FBXO4: variants seen among roughly 807,000 people sequenced by gnomAD.
FBXO4 encodes F-box only protein 4.
In FBXO4, 36 loss-of-function variants were observed where a neutral mutation model predicts 43.7. The observed-to-expected ratio is 0.82, with a 90% CI of 0.63 to 1.09. FBXO4 has a LOEUF of 1.09. Among genes scored for constraint, FBXO4 ranks in the 50% least tolerant of loss-of-function variants. FBXO4 has a pLI of 0.00. For missense variants in FBXO4, 435 were observed against 474.1 expected, an observed-to-expected ratio of 0.92 and a Z score of 0.77; for synonymous variants, 180 against 165.6, an observed-to-expected ratio of 1.09 and a Z score of -0.67.
the FBXO4 span, among the ~76,000 whole-genome samples, chr5:41,999,446 A>AGTGT: frequency 9.6e-4 from 103 of 107,742 alleles, 3 homozygotes; most frequent in African/African-American, 3.9e-3. Flanking sequence ...TATATATGTG[A>AGTGT]GTGTGTGTGT....
chr5:41,963,433 A>C, the FBXO4 span, among the ~76,000 whole-genome samples: 1 of 152,054 alleles, frequency 6.6e-6, no homozygotes, highest in Non-Finnish European at 1.5e-5. Flanking sequence ...TGTACAGTTG[A>C]CTCTTGAACA....
the FBXO4 span, among the ~76,000 whole-genome samples, chr5:41,947,308 G>C: frequency 1.2e-4 from 18 of 152,230 alleles, no homozygotes; most frequent in African/African-American, 4.3e-4. Context: ...AGGCAGGATT[G>C]GGTTTAGGCT....
chr5:41,990,338 C>T, the FBXO4 span, among the ~76,000 whole-genome samples: 2 of 152,198 alleles, frequency 1.3e-5, no homozygotes, highest in African/African-American at 4.8e-5. Context: ...ATCAGACATT[C>T]AGCCTATATA....
chr5:41,962,112 A>C, the FBXO4 span, among the ~76,000 whole-genome samples: 1 of 152,114 alleles, frequency 6.6e-6, no homozygotes, highest in Non-Finnish European at 1.5e-5. Flanking sequence ...GTTTATTTGT[A>C]GGTGAATGAA....
chr5:42,036,195 C>T, the FBXO4 span, among the ~76,000 whole-genome samples: 1 of 151,668 alleles, frequency 6.6e-6, no homozygotes, highest in African/African-American at 2.4e-5. Context: ...GGATGGGAGC[C>T]TAATCTGTAA....
chr5:42,034,855 T>G, the FBXO4 span, among the ~76,000 whole-genome samples: 1 of 152,210 alleles, frequency 6.6e-6, no homozygotes, highest in Non-Finnish European at 1.5e-5. Flanking sequence ...CAGGCTCTTT[T>G]TTTTCCATGT....
At chr5:41,942,129 ATATAT>A (rs964839245), downstream of FBXO4, among the ~76,000 whole-genome samples, 34 of 152,258 alleles carry the variant, frequency 2.2e-4, no homozygotes, top group African/African-American at 7.0e-4. Context: ...AGTTTGTAAC[ATATAT>A]TATACATATA....
chr5:41,980,009 T>C, the FBXO4 span, among the ~76,000 whole-genome samples: 4 of 152,202 alleles, frequency 2.6e-5, no homozygotes, highest in African/African-American at 9.6e-5. Flanking sequence ...AGTTAAAACT[T>C]GTTTGTAATA....
chr5:41,987,097 A>G, the FBXO4 span, among the ~76,000 whole-genome samples: 2 of 152,180 alleles, frequency 1.3e-5, no homozygotes, highest in African/African-American at 4.8e-5. Context: ...TGAATATGCT[A>G]TTATCTAAGA....
chr5:41,941,069 C>A, intron 6 of FBXO4, 123 bp from the exon 7 acceptor site: 1 of 648,872 alleles, frequency 1.5e-6, no homozygotes, highest in Non-Finnish European at 2.6e-6. Flanking sequence ...GCAACTTATC[C>A]AAAGTTTATT....
the FBXO4 span, among the ~76,000 whole-genome samples, chr5:42,009,887 T>G: frequency 5.9e-5 from 9 of 152,338 alleles, no homozygotes; most frequent in African/African-American, 2.2e-4. Flanking sequence ...CTTTTAAATC[T>G]TCCCAAACTA....
chr5:41,926,796 A>G (rs910709789), intron 1 of FBXO4, among the ~76,000 whole-genome samples: 6 of 152,266 alleles, frequency 3.9e-5, no homozygotes, highest in African/African-American at 1.4e-4. Flanking sequence ...CAGGTGTTTC[A>G]GAAATTAAAT....
the FBXO4 span, among the ~76,000 whole-genome samples, chr5:42,005,064 C>A: frequency 2.6e-5 from 4 of 152,138 alleles, no homozygotes; most frequent in African/African-American, 9.7e-5. Flanking sequence ...TTCTCTCTCA[C>A]CTCATCATCT....
chr5:41,965,791 A>G, the FBXO4 span, among the ~76,000 whole-genome samples: 1 of 152,212 alleles, frequency 6.6e-6, no homozygotes, highest in Non-Finnish European at 1.5e-5. Flanking sequence ...TAGAAATACC[A>G]TTACTGGGTA....
chr5:41,961,364 C>G, the FBXO4 span, among the ~76,000 whole-genome samples: 1 of 152,186 alleles, frequency 6.6e-6, no homozygotes, highest in African/African-American at 2.4e-5. Flanking sequence ...CAGTCCCACT[C>G]AAGTTGGCAG....
chr5:41,973,692 G>A, the FBXO4 span, among the ~76,000 whole-genome samples: 1 of 152,066 alleles, frequency 6.6e-6, no homozygotes. Context: ...AATTTCTCAA[G>A]GAACTTAAAA....
At chr5:42,040,256 G>A in the FBXO4 span, among the ~76,000 whole-genome samples, 17 of 152,062 alleles carry the variant, frequency 1.1e-4, no homozygotes, top group South Asian at 1.0e-3. Context: ...TAATATGTGT[G>A]TGTGTTTTTA....
chr5:42,013,929 C>G, the FBXO4 span, among the ~76,000 whole-genome samples: 3 of 152,166 alleles, frequency 2.0e-5, no homozygotes, highest in African/African-American at 7.2e-5. Flanking sequence ...AGAATGGTCT[C>G]TTAGCTTCCC....
the FBXO4 span, among the ~76,000 whole-genome samples, chr5:41,985,381 G>A: frequency 6.6e-6 from 1 of 152,130 alleles, no homozygotes; most frequent in Non-Finnish European, 1.5e-5. Flanking sequence ...CTGTTCAGGT[G>A]CAACATTGAA....
Sources: allele counts gnomAD v4.1 joint callset (sites outside exome capture counted in the v4.1 genomes callset), GRCh38; gene constraint gnomAD v4.1.1; transcripts MANE v1.5; gene names NCBI Gene and HGNC (gene_info 2026-07-23, HGNC 2026-07-21).